Variants in CHD4 observed in about 807,000 individuals in gnomAD.
CHD4 encodes the protein chromodomain helicase DNA binding protein 4.
In CHD4, 35 loss-of-function variants were observed where a neutral mutation model predicts 235.5. That is an observed-to-expected ratio of 0.15 (90% CI 0.11 to 0.20). The LOEUF (loss-of-function observed/expected upper bound fraction) is 0.20, where lower values mean the gene tolerates loss of function less well. Ranked by LOEUF, CHD4 falls within the 10% of genes least tolerant of loss-of-function variation. CHD4 has a pLI of 1.00. For synonymous variants in CHD4, 900 were observed against 850.2 expected, an observed-to-expected ratio of 1.06 and a Z score of -1.02; for missense variants, 1,329 against 2,432.3, an observed-to-expected ratio of 0.55 and a Z score of 9.54.
chr12:6,588,524 T>C (rs1948339820), intron 22 of CHD4, 102 bp from the exon 23 acceptor site: 1 of 1,328,226 alleles, frequency 7.5e-7, no homozygotes. Flanking sequence ...ATGCCTGTAA[T>C]CTCAGCACTT....
intron 25 of CHD4, among the ~76,000 whole-genome samples, chr12:6,586,067 T>C (rs1476731342): frequency 6.6e-5 from 10 of 150,744 alleles, no homozygotes; most frequent in African/African-American, 2.2e-4. Context: ...ACCACTGAAC[T>C]CCAGCCTGGG....
At chr12:6,588,471 T>C (rs1948338293) in intron 22 of CHD4, 49 bp from the exon 23 acceptor site, 1 of 1,596,748 alleles carries the variant, frequency 6.3e-7, no homozygotes, top group African/African-American at 1.3e-5. Flanking sequence ...TAAATTCCAA[T>C]TCATAAATGT....
intron 33 of CHD4, among the ~76,000 whole-genome samples, chr12:6,579,948 C>T (rs1396982051): frequency 1.3e-4 from 19 of 149,758 alleles, no homozygotes; most frequent in Admixed American, 6.1e-4. Flanking sequence ...CCCAGCTACT[C>T]AGGAGGCTGA....
Position 6,578,150 on chromosome 12 carries a change from T to A in CHD4, c.5120-13A>T, listed in dbSNP as rs1948104453. ...AGGGAGTGCAACTCTGAGGAGGAAT[T>A]TAGGGAAGGTTGGGGGTGGGGGGAA... is the stretch of plus-strand genomic sequence containing the variant. On this transcript the variant is annotated splice_polypyrimidine_tract_variant and intron_variant, in intron 35 of 39. Coordinates refer to ENST00000544040, the MANE Select transcript of CHD4 (RefSeq NM_001273.5). 2.5e-6 allele frequency: 4 copies of A among 1,606,984 alleles called. No individual in the cohort carries two copies. The highest frequency in any genetic ancestry group is 2.6e-6 in the Non-Finnish European group (3 of 1,176,350).
At chr12:6,595,144 A>C (rs1948465146) in intron 14 of CHD4, among the ~76,000 whole-genome samples, 190 bp downstream of exon 14, 1 of 152,038 alleles carries the variant, frequency 6.6e-6, no homozygotes, top group East Asian at 1.9e-4. Context: ...TTCTGATGAC[A>C]AAAGAAGAAA....
intron 13 of CHD4, 112 bp from the exon 14 acceptor site, chr12:6,595,542 C>A: frequency 1.2e-6 from 1 of 854,274 alleles, no homozygotes; most frequent in Non-Finnish European, 1.9e-6. Flanking sequence ...GAGGCCAGCA[C>A]TTTGGGAGGC....
At chr12:6,581,018 AAC>A (rs1948176868) in intron 33 of CHD4, 24 bp downstream of exon 33, 2 of 1,611,644 alleles carry the variant, frequency 1.2e-6, no homozygotes, top group East Asian at 2.2e-5. Flanking sequence ...CAAACAAACA[AAC>A]AAAAAAAATG....
In CHD4 at chr12:6,592,609, G is replaced by A. The variant is rs369840095; in HGVS notation, c.2775-43C>T. 2.6e-5 allele frequency: 41 copies of A among 1,581,938 alleles called. No homozygotes were observed. In the African/African-American group the frequency reaches 5.3e-4, roughly 20 times the overall value. ...AAAAAAGTTATTGGAGAAGGAGAAA[G>A]GAAGAAAGAAAAGTGATACAGGAAA... On this transcript the variant is annotated intron_variant, in intron 18 of 39. Coordinates refer to ENST00000544040, the MANE Select transcript of CHD4 (RefSeq NM_001273.5).
At chr12:6,600,187 T>A (rs779074434) in intron 9 of CHD4, 30 bp downstream of exon 9, 1 of 1,611,552 alleles carries the variant, frequency 6.2e-7, no homozygotes, top group Non-Finnish European at 8.5e-7. Context: ...TCTCATGGGT[T>A]CCAAGGGGCC....
At chr12:6,605,619 G>GA (rs1341810951) in intron 2 of CHD4, among the ~76,000 whole-genome samples, 1 of 152,118 alleles carries the variant, frequency 6.6e-6, no homozygotes, top group Non-Finnish European at 1.5e-5. Context: ...CCAGGAGGAG[G>GA]AGTGCCCTCC....
Position 6,600,116 on chromosome 12 carries a change from C to A in CHD4, c.1242+101G>T, listed in dbSNP as rs191796766. ...TGAATGCTTCCCAAAGCTCACAACC[C>A]GCAGCACCAGCATTTCCATTTCCAT... On this transcript the variant is annotated intron_variant, in intron 9 of 39. Coordinates refer to ENST00000544040, the MANE Select transcript of CHD4 (RefSeq NM_001273.5). 30 of 1,576,030 alleles carry A rather than the reference C, an allele frequency of 1.9e-5. No homozygotes were observed. In the East Asian group the frequency reaches 5.2e-4, roughly 27 times the overall value.
intron 35 of CHD4, 23 bp downstream of exon 35, chr12:6,578,386 T>C: frequency 1.2e-6 from 2 of 1,609,016 alleles, no homozygotes; most frequent in Non-Finnish European, 8.5e-7. Context: ...CTTCTAACCC[T>C]GGTGGGCCCC....
In CHD4 at chr12:6,582,839, G is replaced by A. The variant is rs1455291580; in HGVS notation, c.4236+9C>T. ...CACTCACCCCTCCTTAGAATCGTAT[G>A]GCACTTACTTCAATATTCCCACCAA... On this transcript the variant is annotated intron_variant, in intron 28 of 39. Transcript: ENST00000544040. The A allele has an allele frequency of 6.2e-7, 1 of 1,613,902 alleles. No individual in the cohort carries two copies. The highest frequency in any genetic ancestry group is 1.7e-5 in the Admixed American group (1 of 60,020).
At position 6,596,105 on chromosome 12, in the gene CHD4, A is replaced by T. The variant is rs1948489431; in HGVS notation, c.1925T>A (p.Ile642Asn). 1 of 1,613,916 alleles carries T rather than the reference A, an allele frequency of 6.2e-7. No individual in the cohort carries two copies. Among genetic ancestry groups the T allele is most frequent in the South Asian group, 1.1e-5 (1 of 91,092 alleles). Residue 642 changes from isoleucine (I) to asparagine (N), a missense_variant, in exon 13 of 40, where the codon ATC becomes AAC. Transcript: ENST00000544040. ...VDKKGHVHYL[I>N]KWRDLPYDQA... Reference sequence around the variant, plus strand: ...ATCGTAAGGTAAGTCCCGCCACTTGATCAAGTAGTGGACGTGGCCCTTCTT... The same window carrying T: ...ATCGTAAGGTAAGTCCCGCCACTTGTTCAAGTAGTGGACGTGGCCCTTCTT...
intron 25 of CHD4, 113 bp from the exon 26 acceptor site, chr12:6,583,491 T>C: frequency 5.5e-6 from 5 of 910,814 alleles, no homozygotes; most frequent in Non-Finnish European, 8.3e-6. Context: ...GACTCTTAAA[T>C]ACTTGGTGTG....
At chr12:6,577,403 C>CA in intron 37 of CHD4, among the ~76,000 whole-genome samples, 1 of 126,702 alleles carries the variant, frequency 7.9e-6, no homozygotes. Flanking sequence ...GCCTGGGCGA[C>CA]AGAGATTCTG....
chr12:6,585,408 C>T (rs540984293), intron 25 of CHD4, among the ~76,000 whole-genome samples: 9 of 151,758 alleles, frequency 5.9e-5, no homozygotes, highest in Admixed American at 5.2e-4. Context: ...CTCAGCCTCC[C>T]GAATAGCTGG....
At chr12:6,590,587 G>A (rs1220263575) in intron 22 of CHD4, among the ~76,000 whole-genome samples, 1 of 152,164 alleles carries the variant, frequency 6.6e-6, no homozygotes, top group Non-Finnish European at 1.5e-5. Context: ...GGGAGGCCAA[G>A]GCAGGAGGAT....
Position 6,606,351 on chromosome 12 carries a change from G to A in CHD4, c.23C>T (p.Pro8Leu), listed in dbSNP as rs777986787. 32 of 1,571,178 alleles carry A rather than the reference G, an allele frequency of 2.0e-5. No individual in the cohort carries two copies. The highest frequency in any genetic ancestry group is 1.5e-4 in the East Asian group (6 of 39,716). The stretch of plus-strand genomic sequence containing the variant: ...CTCACTGCCCGCCGAGCAGGGGGAC[G>A]GGGAGCCCAGGCCCGACGCCATCCC... MASGLGS[P>L]SPCSAGSEEE... is the part of the protein sequence containing the mutation. Residue 8 changes from proline to leucine, a missense_variant, in exon 2 of 40, where the codon CCG (proline) becomes CTG (leucine). Physicochemically the swap from Pro to Leu is moderately conservative, Grantham distance 98. Transcript: ENST00000544040.
Sources: allele counts gnomAD v4.1 joint callset (sites outside exome capture counted in the v4.1 genomes callset), GRCh38; gene constraint gnomAD v4.1.1; transcripts MANE v1.5; gene names NCBI Gene and HGNC (gene_info 2026-07-23, HGNC 2026-07-21).